TM4SF20: variants seen among roughly 807,000 people sequenced by gnomAD.
TM4SF20 encodes transmembrane 4 L six family member 20.
TM4SF20 carries 13 observed loss-of-function variants against 15.1 expected under a neutral mutation model. The observed-to-expected ratio is 0.86, with a 90% confidence interval of 0.56 to 1.36. The LOEUF (loss-of-function observed/expected upper bound fraction) is 1.36. Ranked by LOEUF, TM4SF20 falls within the 40% of genes most tolerant of loss-of-function variation. The probability of loss-of-function intolerance (pLI) is 0.00; values close to 1 mark genes in which losing one functional copy is unlikely to be tolerated. For synonymous variants in TM4SF20, 92 were observed against 96.6 expected (o/e 0.95, Z 0.28); for missense variants, 282 against 268.4 (o/e 1.05, Z -0.35).
chr2:227,370,847 G>A (rs2076417606), intron 2 of TM4SF20, 68 bp downstream of exon 2: 5 of 1,316,478 alleles, frequency 3.8e-6, no homozygotes, highest in Admixed American at 1.7e-5. Context: ...GTGACTCAGT[G>A]TGGCTTTGCT....
At chr2:227,372,678 TG>T (rs1387858535) in intron 1 of TM4SF20, among the ~76,000 whole-genome samples, 1 of 152,134 alleles carries the variant, frequency 6.6e-6, no homozygotes, top group Non-Finnish European at 1.5e-5. Context: ...GCTAGTCATT[TG>T]GGGTGCAGAG....
In TM4SF20 at chr2:227,363,842, A is replaced by G. The variant is rs190326430; in HGVS notation, c.572T>C (p.Val191Ala). The change falls in exon 4 of 4, where the codon GTA becomes GCA. Residue 191 changes from valine (V) to alanine (A), a missense_variant. Val to Ala is a moderately conservative substitution (Grantham distance 64). Transcript: ENST00000304568. Reference protein sequence around the residue: ...ENKHRLIHFSVFLGLLLVGIL... With the variant: ...ENKHRLIHFSAFLGLLLVGIL... ...TCCAACAAGCAATAGACCTAAAAAT[A>G]CTGAGAAGTGGATAAGCCTATGTTT... 398 of 1,614,178 alleles carry G rather than the reference A, an allele frequency of 2.5e-4. 3 individuals carry two copies. The East Asian group carries it at 8.1e-3, about 33-fold the overall frequency.
chr2:227,363,687 T>C lies in TM4SF20; in HGVS notation c.*37A>G. 1.3e-6 allele frequency: 2 copies of C among 1,560,814 alleles called. No homozygotes were observed. Among genetic ancestry groups the C allele is most frequent in the Non-Finnish European group, 1.7e-6 (2 of 1,154,750 alleles). On this transcript the variant is annotated 3_prime_UTR_variant, in exon 4 of 4. Coordinates refer to ENST00000304568, the MANE Select transcript of TM4SF20 (RefSeq NM_024795.4). ...AAAACAAGTGTACTTCTCAAATTAA[T>C]TCAAACTACTGATACTTACATTTTA...
rs1463873721 is a variant in TM4SF20, at chr2:227,362,363, A to G, written c.*1361T>C. The G allele has an allele frequency of 6.6e-6, 1 of 152,234 alleles. No individual in the cohort carries two copies. Among genetic ancestry groups the G allele is most frequent in the African/African-American group, 2.4e-5 (1 of 41,468 alleles). The allele number at this position is 152,234 out of a possible 1,614,324, so 9.4% of individuals were successfully genotyped here. On this transcript the variant is annotated 3_prime_UTR_variant, in exon 4 of 4. Transcript: ENST00000304568. ...CATGTACCTGTCACCTAAATATAAC[A>G]GTAAACATCTCCCCGTTGCTTTTGG...
At chr2:227,380,654 G>A (rs1295847829), upstream of TM4SF20, among the ~76,000 whole-genome samples, 1 of 152,162 alleles carries the variant, frequency 6.6e-6, no homozygotes, top group Non-Finnish European at 1.5e-5. Flanking sequence ...TGGGACATTA[G>A]GCAGCTCTAA....
intron 2 of TM4SF20, among the ~76,000 whole-genome samples, chr2:227,369,071 A>T (rs982537875): frequency 5.9e-5 from 9 of 152,248 alleles, no homozygotes; most frequent in Admixed American, 5.2e-4. Flanking sequence ...GAAAAGATAC[A>T]AAGTCAAATT....
chr2:227,375,634 A>T (rs12476340), intron 1 of TM4SF20, among the ~76,000 whole-genome samples: 77,651 of 150,660 alleles, frequency 0.52, 19,936 homozygotes, highest in East Asian at 0.58. Flanking sequence ...GGACAACAGG[A>T]GCCCACCACC....
At chr2:227,370,401 T>TA (rs1257050599) in intron 2 of TM4SF20, among the ~76,000 whole-genome samples, 1 of 152,156 alleles carries the variant, frequency 6.6e-6, no homozygotes, top group Non-Finnish European at 1.5e-5. Context: ...AGGCCAACTC[T>TA]AAATGTTTGT....
intron 2 of TM4SF20, among the ~76,000 whole-genome samples, chr2:227,368,615 C>G (rs1400178873): frequency 6.6e-6 from 1 of 152,086 alleles, no homozygotes; most frequent in African/African-American, 2.4e-5. Context: ...ATCCGCCCAC[C>G]TCAGCCTCCC....
intron 1 of TM4SF20, among the ~76,000 whole-genome samples, chr2:227,373,135 C>T (rs1425834139): frequency 6.6e-6 from 1 of 152,208 alleles, no homozygotes; most frequent in African/African-American, 2.4e-5. Flanking sequence ...ATTGTCCTTC[C>T]AGTTACTCCC....
intron 2 of TM4SF20, among the ~76,000 whole-genome samples, 167 bp downstream of exon 2, chr2:227,370,748 A>T (rs936297149): frequency 7.2e-5 from 11 of 151,984 alleles, no homozygotes; most frequent in African/African-American, 2.4e-4. Flanking sequence ...ACAGAGCAAG[A>T]CCCTGTCTCT....
chr2:227,364,022 A>C lies in TM4SF20; in HGVS notation c.402-10T>G. On this transcript the variant is annotated splice_polypyrimidine_tract_variant and intron_variant, in intron 3 of 3. Coordinates refer to ENST00000304568, the MANE Select transcript of TM4SF20 (RefSeq NM_024795.4). ...TTCTGGATGAATGTCACTGAAAAACAAAAGATAAAAATCAGATATTCAGAA... is the reference window on the plus strand; with the variant it reads ...TTCTGGATGAATGTCACTGAAAAACCAAAGATAAAAATCAGATATTCAGAA... 2 of 1,600,632 alleles carry C rather than the reference A, an allele frequency of 1.2e-6. No homozygotes were observed. Among genetic ancestry groups the C allele is most frequent in the Non-Finnish European group, 1.7e-6 (2 of 1,172,994 alleles).
At chr2:227,369,654 C>A (rs1469720148) in intron 2 of TM4SF20, among the ~76,000 whole-genome samples, 1 of 152,024 alleles carries the variant, frequency 6.6e-6, no homozygotes, top group Non-Finnish European at 1.5e-5. Context: ...GTCTTGAATT[C>A]TAGACCTCAA....
chr2:227,378,530 T>C (rs748038821), intron 1 of TM4SF20, among the ~76,000 whole-genome samples: 5 of 152,192 alleles, frequency 3.3e-5, no homozygotes, highest in Admixed American at 6.5e-5. Context: ...ATCTATATAA[T>C]AGCTGAGTCA....
At position 227,363,243 on chromosome 2, in the gene TM4SF20, C is replaced by T. The variant is rs1020583906; in HGVS notation, c.*481G>A. The T allele has an allele frequency of 6.5e-6, 1 of 153,206 alleles. No individual in the cohort carries two copies. The highest frequency in any genetic ancestry group is 6.5e-5 in the Admixed American group (1 of 15,378). 9.5% of individuals were successfully genotyped at this position (153,206 alleles called of 1,614,324 possible). A position where few individuals can be genotyped will look rare whatever the true frequency, so the allele number is the denominator to read the frequency against. Reference sequence around the variant, plus strand: ...CAGCCTGGGCAATATGGAAAACCCCCATCTCTACTAAAAATACAAAAATTA... The same window carrying T: ...CAGCCTGGGCAATATGGAAAACCCCTATCTCTACTAAAAATACAAAAATTA... On this transcript the variant is annotated 3_prime_UTR_variant, in exon 4 of 4. Coordinates refer to ENST00000304568, the MANE Select transcript of TM4SF20 (RefSeq NM_024795.4).
intron 1 of TM4SF20, among the ~76,000 whole-genome samples, chr2:227,373,851 C>T (rs2076433114): frequency 6.8e-6 from 1 of 147,062 alleles, no homozygotes; most frequent in South Asian, 2.1e-4. Context: ...CTCGCTTGAA[C>T]GCGGGAGGCA....
chr2:227,371,400 A>G (rs552667191), intron 1 of TM4SF20, among the ~76,000 whole-genome samples: 2 of 152,326 alleles, frequency 1.3e-5, no homozygotes, highest in African/African-American at 4.8e-5. Flanking sequence ...GAGTGCAGTG[A>G]TACGAGCATA....
upstream of TM4SF20, among the ~76,000 whole-genome samples, chr2:227,381,072 C>G (rs539386554): frequency 9.9e-5 from 15 of 152,020 alleles, no homozygotes; most frequent in Admixed American, 6.6e-5. Context: ...CCCAGGAGTT[C>G]GAGACCAGCC....
chr2:227,364,444 G>A (rs114471338), intron 3 of TM4SF20, among the ~76,000 whole-genome samples: 14 of 147,948 alleles, frequency 9.5e-5, no homozygotes, highest in African/African-American at 2.8e-4. Context: ...CGTGGCGTCC[G>A]TTCTTCAACC....
Sources: gnomAD v4.1 joint callset for allele counts (sites outside exome capture counted in the v4.1 genomes callset) on GRCh38, gnomAD v4.1.1 for gene constraint, MANE v1.5 for transcripts, NCBI Gene and HGNC (gene_info 2026-07-23, HGNC 2026-07-21) for gene names.